The following HELLS variants were observed in gnomAD, a reference collection of about 807,000 sequenced individuals.
HELLS encodes the protein lymphoid-specific helicase.
HELLS carries 32 observed loss-of-function variants against 120.0 expected under a neutral mutation model. That is an observed-to-expected ratio of 0.27 (90% CI 0.20 to 0.36). The LOEUF is 0.36. Among genes scored for constraint, HELLS ranks in the 10% least tolerant of loss-of-function variants. HELLS has a pLI of 1.00. For synonymous variants in HELLS, 341 were observed against 323.4 expected (o/e 1.05, Z -0.58); for missense variants, 650 against 993.4 (o/e 0.65, Z 4.65).
At chr10:94,550,120 A>C (rs181598598) in intron 2 of HELLS, among the ~76,000 whole-genome samples, 198 of 152,074 alleles carry the variant, frequency 1.3e-3, no homozygotes, top group African/African-American at 4.6e-3. Flanking sequence ...GGGTTTCTCC[A>C]TGTTGGTCAG....
At chr10:94,605,643 C>CTTTT (rs1206815493), downstream of HELLS, among the ~76,000 whole-genome samples, 5 of 125,106 alleles carry the variant, frequency 4.0e-5, no homozygotes, top group Non-Finnish European at 8.5e-5. Flanking sequence ...TTAATGGTTC[C>CTTTT]TTTTTTTTTT....
At chr10:94,594,550 T>G (rs1444930925) in intron 18 of HELLS, 145 bp from the exon 19 acceptor site, 1 of 537,948 alleles carries the variant, frequency 1.9e-6, no homozygotes, top group Non-Finnish European at 3.2e-6. Context: ...GATAATTTTG[T>G]CTATGAAGCC....
chr10:94,568,866 A>G (rs1843976907), intron 6 of HELLS, among the ~76,000 whole-genome samples: 1 of 150,334 alleles, frequency 6.7e-6, no homozygotes, highest in South Asian at 2.1e-4. Flanking sequence ...TTTGAGATAG[A>G]GTTTCACTCT....
intron 10 of HELLS, among the ~76,000 whole-genome samples, chr10:94,579,925 A>G (rs1367874026): frequency 6.6e-6 from 1 of 151,632 alleles, no homozygotes; most frequent in East Asian, 1.9e-4. Flanking sequence ...GAAACTTTTG[A>G]CTTTTTCCAT....
Position 94,545,862 on chromosome 10 carries a change from A to T in HELLS, c.-60A>T. 2 of 1,534,900 alleles carry T rather than the reference A, an allele frequency of 1.3e-6. No homozygotes were observed. The highest frequency in any genetic ancestry group is 1.8e-6 in the Non-Finnish European group (2 of 1,131,614). On this transcript the variant is annotated 5_prime_UTR_variant, in exon 1 of 22. Coordinates refer to ENST00000348459, the MANE Select transcript of HELLS (RefSeq NM_018063.5). ...GGGCCGGCAGCGGTTGTGAGGAGTTAGCTCGCGGCATTGCAGGCTCTGAGA... is the reference window on the plus strand; with the variant it reads ...GGGCCGGCAGCGGTTGTGAGGAGTTTGCTCGCGGCATTGCAGGCTCTGAGA...
intron 10 of HELLS, among the ~76,000 whole-genome samples, chr10:94,580,229 G>A (rs1261324280): frequency 3.0e-5 from 4 of 134,048 alleles, no homozygotes; most frequent in Non-Finnish European, 6.2e-5. Context: ...CTGTCACCCA[G>A]GCTGGAGTGC....
At chr10:94,589,982 C>T (rs1026999973) in intron 13 of HELLS, among the ~76,000 whole-genome samples, 8 of 152,012 alleles carry the variant, frequency 5.3e-5, no homozygotes, top group Admixed American at 1.3e-4. Context: ...CCACCGTACC[C>T]GGCCTCTTCT....
chr10:94,554,099 A>G lies in HELLS; in HGVS notation c.154-27A>G, dbSNP rs576686304. 9.7e-6 allele frequency: 15 copies of G among 1,543,482 alleles called. No individual in the cohort carries two copies. The South Asian group carries it at 1.6e-4, about 16-fold the overall frequency. On this transcript the variant is annotated intron_variant, in intron 2 of 21. Transcript: ENST00000348459. ...TTAAGGTATGTCAGAAAGTGTTCATAATTATGGAAATTTTCTCTTTGGATA... is the reference window on the plus strand; with the variant it reads ...TTAAGGTATGTCAGAAAGTGTTCATGATTATGGAAATTTTCTCTTTGGATA...
exon 10 of HELLS, chr10:94,610,073 T>G (rs1333657450): frequency 6.6e-6 from 1 of 152,192 alleles, no homozygotes; most frequent in Non-Finnish European, 1.5e-5. Flanking sequence ...TGATAGCTGC[T>G]TGCTAATTTG....
intron 10 of HELLS, among the ~76,000 whole-genome samples, chr10:94,579,665 C>T (rs896988713): frequency 6.6e-6 from 1 of 151,828 alleles, no homozygotes; most frequent in African/African-American, 2.4e-5. Context: ...CCTCTGTCTC[C>T]TGAGTAGCCG....
At chr10:94,558,670 C>T (rs964584408) in intron 4 of HELLS, among the ~76,000 whole-genome samples, 15 of 152,048 alleles carry the variant, frequency 9.9e-5, no homozygotes, top group Admixed American at 7.2e-4. Flanking sequence ...GGCGCAATCT[C>T]GGCTCACTGC....
At chr10:94,547,419 T>C (rs11188013) in intron 2 of HELLS, among the ~76,000 whole-genome samples, 1 of 152,188 alleles carries the variant, frequency 6.6e-6, no homozygotes, top group South Asian at 2.1e-4. Flanking sequence ...AATTAACTCA[T>C]GATTATAAAA....
At chr10:94,552,760 T>A (rs1454317211) in intron 2 of HELLS, among the ~76,000 whole-genome samples, 1 of 152,042 alleles carries the variant, frequency 6.6e-6, no homozygotes, top group Non-Finnish European at 1.5e-5. Flanking sequence ...TCTCTTGAGT[T>A]TAGGAGTTGG....
intron 3 of HELLS, 35 bp from the exon 4 acceptor site, chr10:94,558,104 T>C (rs1387692258): frequency 6.4e-7 from 1 of 1,551,972 alleles, no homozygotes; most frequent in Non-Finnish European, 8.6e-7. Context: ...ATGTTGCACT[T>C]TCCACTTGTG....
At chr10:94,567,565 G>A (rs1194555692) in intron 6 of HELLS, among the ~76,000 whole-genome samples, 1 of 152,172 alleles carries the variant, frequency 6.6e-6, no homozygotes, top group Non-Finnish European at 1.5e-5. Flanking sequence ...CCAAAGTGCT[G>A]AGATTACAGG....
At chr10:94,574,528 A>T in intron 8 of HELLS, 26 bp from the exon 9 acceptor site, 2 of 1,546,562 alleles carry the variant, frequency 1.3e-6, no homozygotes, top group Non-Finnish European at 1.8e-6. Flanking sequence ...TCCAAGTTTA[A>T]ATACAGTATC....
At chr10:94,592,134 T>C in intron 15 of HELLS, 95 bp from the exon 16 acceptor site, 1 of 882,316 alleles carries the variant, frequency 1.1e-6, no homozygotes, top group Non-Finnish European at 1.7e-6. Context: ...TTTAAGTGAC[T>C]TGGCTTTGAA....
At chr10:94,589,837 C>T (rs1845384120) in intron 13 of HELLS, among the ~76,000 whole-genome samples, 1 of 151,894 alleles carries the variant, frequency 6.6e-6, no homozygotes, top group Non-Finnish European at 1.5e-5. Flanking sequence ...CAGTCGCCCG[C>T]CACCACGCTT....
At chr10:94,581,691 A>C (rs1216207697) in intron 11 of HELLS, among the ~76,000 whole-genome samples, 169 bp downstream of exon 11, 2 of 152,210 alleles carry the variant, frequency 1.3e-5, no homozygotes, top group Non-Finnish European at 2.9e-5. Context: ...GATTAAGAAA[A>C]GATTATTTAA....
Sources: gnomAD v4.1 joint callset for allele counts (sites outside exome capture counted in the v4.1 genomes callset) on GRCh38, gnomAD v4.1.1 for gene constraint, MANE v1.5 for transcripts, NCBI Gene and HGNC (gene_info 2026-07-23, HGNC 2026-07-21) for gene names.